PDE4B: variants seen among roughly 807,000 people sequenced by gnomAD.
PDE4B encodes the protein phosphodiesterase 4B, also known as 3',5'-cyclic-AMP phosphodiesterase 4B.
In PDE4B, 20 loss-of-function variants were observed where a neutral mutation model predicts 82.2. The observed-to-expected ratio is 0.24, with a 90% confidence interval of 0.17 to 0.35. The LOEUF (loss-of-function observed/expected upper bound fraction) is 0.35, where lower values mean the gene tolerates loss of function less well. PDE4B is among the 10% of genes least tolerant of loss of function. The pLI is 1.00. For synonymous variants in PDE4B, 320 were observed against 318.9 expected, an observed-to-expected ratio of 1.00 and a Z score of -0.04; for missense variants, 655 against 907.2, an observed-to-expected ratio of 0.72 and a Z score of 3.57.
At chr1:66,143,234 A>G (rs995568843) in intron 3 of PDE4B, among the ~76,000 whole-genome samples, 1 of 152,186 alleles carries the variant, frequency 6.6e-6, no homozygotes, top group Non-Finnish European at 1.5e-5. Context: ...TTCACAACTA[A>G]CTGTATTATG....
chr1:66,207,528 C>A (rs1649646805), intron 3 of PDE4B, among the ~76,000 whole-genome samples: 1 of 152,166 alleles, frequency 6.6e-6, no homozygotes, highest in African/African-American at 2.4e-5. Context: ...AATAATAGCT[C>A]AACTTTATTG....
At chr1:66,168,707 G>A (rs1291672883) in intron 3 of PDE4B, among the ~76,000 whole-genome samples, 1 of 152,206 alleles carries the variant, frequency 6.6e-6, no homozygotes, top group Non-Finnish European at 1.5e-5. Flanking sequence ...TGTGTGACCT[G>A]AGTTACATTT....
intron 1 of PDE4B, among the ~76,000 whole-genome samples, chr1:65,825,260 G>T (rs1646000973): frequency 6.6e-6 from 1 of 152,074 alleles, no homozygotes; most frequent in African/African-American, 2.4e-5. Flanking sequence ...TTGTTGTGAT[G>T]ATATTATACC....
At chr1:65,879,202 C>A (rs986119676) in intron 1 of PDE4B, among the ~76,000 whole-genome samples, 1 of 152,090 alleles carries the variant, frequency 6.6e-6, no homozygotes, top group Non-Finnish European at 1.5e-5. Flanking sequence ...TCCTCCCAGG[C>A]CATAAAATAC....
At chr1:65,874,302 T>G (rs1646611960) in intron 1 of PDE4B, among the ~76,000 whole-genome samples, 1 of 152,128 alleles carries the variant, frequency 6.6e-6, no homozygotes, top group African/African-American at 2.4e-5. Context: ...GCTGATCAGC[T>G]TAAGGAGATT....
At chr1:66,265,672 A>G (rs1654976525) in intron 6 of PDE4B, among the ~76,000 whole-genome samples, 1 of 144,208 alleles carries the variant, frequency 6.9e-6, no homozygotes, top group Non-Finnish European at 1.6e-5. Flanking sequence ...GCACTGCCCA[A>G]AGGAATTGAG....
At chr1:66,289,867 G>A (rs891626411) in intron 7 of PDE4B, among the ~76,000 whole-genome samples, 21 of 152,122 alleles carry the variant, frequency 1.4e-4, no homozygotes, top group African/African-American at 4.6e-4. Context: ...GAAGTGGACC[G>A]ATGTGTAATA....
chr1:66,063,248 G>C (rs904350693), intron 3 of PDE4B, among the ~76,000 whole-genome samples: 1 of 151,954 alleles, frequency 6.6e-6, no homozygotes, highest in Non-Finnish European at 1.5e-5. Context: ...ATGACAAAAG[G>C]TTAGAGCAAA....
intron 3 of PDE4B, among the ~76,000 whole-genome samples, chr1:66,008,621 T>C (rs1652290690): frequency 6.6e-6 from 1 of 152,154 alleles, no homozygotes; most frequent in Non-Finnish European, 1.5e-5. Flanking sequence ...ATTTCTCCCT[T>C]ATAAGCAAAA....
intron 3 of PDE4B, among the ~76,000 whole-genome samples, chr1:65,962,813 A>T (rs1649611237): frequency 6.6e-6 from 1 of 152,124 alleles, no homozygotes; most frequent in South Asian, 2.1e-4. Flanking sequence ...TCCCAAAATT[A>T]GGGGGGCCAT....
intron 8 of PDE4B, among the ~76,000 whole-genome samples, chr1:66,339,034 AAAAG>A (rs1440119089): frequency 3.3e-5 from 5 of 151,936 alleles, no homozygotes; most frequent in Admixed American, 6.6e-5. Flanking sequence ...AAAAAAAAAA[AAAAG>A]AGATAAGTTA....
intron 3 of PDE4B, among the ~76,000 whole-genome samples, chr1:66,049,431 A>T (rs1470336703): frequency 1.3e-5 from 2 of 151,998 alleles, no homozygotes; most frequent in East Asian, 3.9e-4. Context: ...CAGGAGTAGT[A>T]TGGTTTGAGT....
chr1:66,109,638 T>C (rs1175952890), intron 3 of PDE4B, among the ~76,000 whole-genome samples: 3 of 152,034 alleles, frequency 2.0e-5, no homozygotes, highest in Non-Finnish European at 2.9e-5. Flanking sequence ...ATAGCCCTAT[T>C]CTGGGTCTCC....
chr1:66,145,912 T>G (rs1266683455), intron 3 of PDE4B, among the ~76,000 whole-genome samples: 1 of 152,200 alleles, frequency 6.6e-6, no homozygotes, highest in Non-Finnish European at 1.5e-5. Flanking sequence ...ATCTCTGCTA[T>G]TATTAAGATT....
At chr1:66,162,314 T>TTC (rs1342465094) in intron 3 of PDE4B, among the ~76,000 whole-genome samples, 1 of 134,018 alleles carries the variant, frequency 7.5e-6, no homozygotes, top group African/African-American at 2.7e-5. Context: ...TCTTTTTTTT[T>TTC]TTTTTTTTTT....
intron 1 of PDE4B, among the ~76,000 whole-genome samples, chr1:65,875,097 T>C (rs1646623739): frequency 6.6e-6 from 1 of 151,352 alleles, no homozygotes; most frequent in Admixed American, 6.6e-5. Flanking sequence ...CTCAAACAAA[T>C]GTACAAGAAA....
intron 3 of PDE4B, among the ~76,000 whole-genome samples, chr1:66,168,696 A>ATG (rs1646783202): frequency 3.3e-5 from 5 of 152,192 alleles, no homozygotes; most frequent in African/African-American, 1.2e-4. Context: ...CTGGTTAACG[A>ATG]TGTGTGACCT....
chr1:66,317,553 C>T (rs1659111948), intron 7 of PDE4B, among the ~76,000 whole-genome samples: 1 of 151,976 alleles, frequency 6.6e-6, no homozygotes, highest in Admixed American at 6.6e-5. Context: ...CTGAAGGGTG[C>T]CTCAAAGAAA....
At chr1:66,286,373 A>G (rs959580974) in intron 7 of PDE4B, among the ~76,000 whole-genome samples, 1 of 152,182 alleles carries the variant, frequency 6.6e-6, no homozygotes, top group South Asian at 2.1e-4. Context: ...TTAAAACTCA[A>G]AAGGCAGAAA....
Sources: gnomAD v4.1 joint callset for allele counts (sites outside exome capture counted in the v4.1 genomes callset) on GRCh38, gnomAD v4.1.1 for gene constraint, MANE v1.5 for transcripts, NCBI Gene and HGNC (gene_info 2026-07-23, HGNC 2026-07-21) for gene names.